Variants in CCDC7 observed in about 807,000 individuals in gnomAD.
The protein encoded by CCDC7 is coiled-coil domain-containing protein 7.
Under a neutral mutation model 196.9 loss-of-function variants are expected in CCDC7, and 183 were observed. The observed-to-expected ratio is 0.93, with a 90% CI of 0.82 to 1.05. CCDC7 has a LOEUF of 1.05. Ranked by LOEUF, CCDC7 falls within the 50% of genes least tolerant of loss-of-function variation. The pLI is 0.00. For synonymous variants in CCDC7, 525 were observed against 484.6 expected, an observed-to-expected ratio of 1.08 and a Z score of -1.10; for missense variants, 1,540 against 1,482.2, an observed-to-expected ratio of 1.04 and a Z score of -0.64.
At chr10:32,498,207 G>T (rs2043214226) in intron 9 of CCDC7, among the ~76,000 whole-genome samples, 1 of 152,048 alleles carries the variant, frequency 6.6e-6, no homozygotes, top group Admixed American at 6.6e-5. Flanking sequence ...GACTAGGATT[G>T]CAAACCCTGC....
intron 33 of CCDC7, among the ~76,000 whole-genome samples, chr10:32,835,305 C>CT (rs2135973249): frequency 6.6e-6 from 1 of 152,184 alleles, no homozygotes; most frequent in South Asian, 2.1e-4. Context: ...TAAGAACTTG[C>CT]TTTATGAATC....
chr10:32,651,677 T>C (rs910099057), intron 20 of CCDC7, among the ~76,000 whole-genome samples: 4 of 152,064 alleles, frequency 2.6e-5, no homozygotes, highest in African/African-American at 9.7e-5. Flanking sequence ...AGGAAAAGTT[T>C]ATTGCAGGGT....
chr10:32,750,335 G>A (rs1018226768), intron 28 of CCDC7, among the ~76,000 whole-genome samples: 1 of 152,104 alleles, frequency 6.6e-6, no homozygotes, highest in African/African-American at 2.4e-5. Context: ...GTTTAATAAA[G>A]TGACATACTC....
intron 29 of CCDC7, among the ~76,000 whole-genome samples, chr10:32,803,265 A>G (rs566904362): frequency 6.6e-6 from 1 of 152,294 alleles, no homozygotes; most frequent in Admixed American, 6.5e-5. Flanking sequence ...TCCATTTGAT[A>G]TATAGCACAG....
Position 32,834,787 on chromosome 10 carries a change from G to A in CCDC7, c.3269-28G>A, listed in dbSNP as rs192930834. On this transcript the variant is annotated intron_variant, in intron 32 of 41. Transcript: ENST00000639629. ...TATGTTACAATTTACCTTTCAAAGC[G>A]TTTTGAAAACCTGTTTTATTTTTAT... is the stretch of plus-strand genomic sequence containing the variant. 83 of 1,076,912 alleles carry A rather than the reference G, an allele frequency of 7.7e-5. No individual in the cohort carries two copies. In the East Asian group the frequency reaches 1.2e-3, roughly 16 times the overall value. The allele number at this position is 1,076,912 out of a possible 1,614,324, so 66.7% of individuals were successfully genotyped here.
At chr10:32,689,525 T>A (rs1187006732) in intron 23 of CCDC7, among the ~76,000 whole-genome samples, 2 of 152,170 alleles carry the variant, frequency 1.3e-5, no homozygotes, top group Non-Finnish European at 2.9e-5. Flanking sequence ...TGCTAAGATC[T>A]GCAACTCAAA....
At chr10:32,626,341 A>G (rs192158128) in intron 18 of CCDC7, among the ~76,000 whole-genome samples, 37 of 152,022 alleles carry the variant, frequency 2.4e-4, no homozygotes, top group Middle Eastern at 3.4e-3. Flanking sequence ...AAAAATATAT[A>G]TGTTTTCCAT....
intron 24 of CCDC7, among the ~76,000 whole-genome samples, chr10:32,708,201 G>A (rs1452786742): frequency 6.6e-6 from 1 of 152,100 alleles, no homozygotes; most frequent in African/African-American, 2.4e-5. Flanking sequence ...TGACAAACCT[G>A]ACAAAAACAA....
chr10:32,846,314 G>A (rs568017047), intron 36 of CCDC7, 62 bp from the exon 38 acceptor site: 30 of 961,816 alleles, frequency 3.1e-5, no homozygotes, highest in Middle Eastern at 2.2e-4. Flanking sequence ...AAACACACAC[G>A]TATACACATG....
intron 39 of CCDC7, among the ~76,000 whole-genome samples, chr10:32,850,241 CA>C (rs2093497339): frequency 6.6e-6 from 1 of 152,106 alleles, no homozygotes; most frequent in African/African-American, 2.4e-5. Flanking sequence ...CTTTGCAAAG[CA>C]AAAATGTGGT....
intron 16 of CCDC7, among the ~76,000 whole-genome samples, chr10:32,576,353 T>G (rs1472471419): frequency 6.6e-6 from 1 of 151,940 alleles, no homozygotes; most frequent in Non-Finnish European, 1.5e-5. Flanking sequence ...GAAATGATAT[T>G]TTTCTCTACT....
At chr10:32,748,236 G>A (rs2133373467) in intron 28 of CCDC7, among the ~76,000 whole-genome samples, 1 of 152,090 alleles carries the variant, frequency 6.6e-6, no homozygotes, top group South Asian at 2.1e-4. Context: ...GTGGAGGTGA[G>A]GATCAAAAAA....
At chr10:32,450,027 T>C (rs976719699), upstream of CCDC7, among the ~76,000 whole-genome samples, 1 of 152,250 alleles carries the variant, frequency 6.6e-6, no homozygotes, top group African/African-American at 2.4e-5. Flanking sequence ...TGTTTTGTTA[T>C]AGCAGCCTCA....
At chr10:32,667,514 A>C (rs1275227011) in intron 21 of CCDC7, among the ~76,000 whole-genome samples, 1 of 152,142 alleles carries the variant, frequency 6.6e-6, no homozygotes, top group Non-Finnish European at 1.5e-5. Context: ...TCTAACATTT[A>C]AGTCTTTAAT....
chr10:32,800,020 CAGG>C (rs1163815330), intron 29 of CCDC7, among the ~76,000 whole-genome samples: 2 of 152,188 alleles, frequency 1.3e-5, no homozygotes, highest in African/African-American at 4.8e-5. Flanking sequence ...TACCAGGTAT[CAGG>C]AGATGTGTTA....
chr10:32,512,865 G>T (rs2046431709), intron 9 of CCDC7: 1 of 152,098 alleles, frequency 6.6e-6, no homozygotes, highest in South Asian at 2.1e-4. Flanking sequence ...ACCGTGATCA[G>T]GGAAGATATA....
chr10:32,881,897 C>T (rs1211130625), downstream of CCDC7, among the ~76,000 whole-genome samples: 4 of 152,234 alleles, frequency 2.6e-5, no homozygotes, highest in Middle Eastern at 6.8e-3. Flanking sequence ...TCAGAGCACA[C>T]ATTCATCATC....
intron 3 of CCDC7, among the ~76,000 whole-genome samples, chr10:32,458,337 A>G (rs10827059): frequency 0.091 from 13,430 of 148,392 alleles, 868 homozygotes; most frequent in East Asian, 0.34. Context: ...TTGGCTATAA[A>G]TAAGTGGATT....
chr10:32,585,399 A>G (rs1464666673), intron 18 of CCDC7, among the ~76,000 whole-genome samples: 1 of 152,164 alleles, frequency 6.6e-6, no homozygotes. Context: ...ATTATATTTT[A>G]AGTTCTGGGA....
Sources: allele counts gnomAD v4.1 joint callset (sites outside exome capture counted in the v4.1 genomes callset), GRCh38; gene constraint gnomAD v4.1.1; transcripts MANE v1.5; gene names NCBI Gene and HGNC (gene_info 2026-07-23, HGNC 2026-07-21).